The following CNTN3 variants were observed in gnomAD, a reference collection of about 807,000 sequenced individuals.
The protein encoded by CNTN3 is contactin 3.
CNTN3 carries 60 observed loss-of-function variants against 119.1 expected under a neutral mutation model. The ratio of observed to expected loss-of-function variants is 0.50; its 90% confidence interval spans 0.41 to 0.62. The LOEUF is 0.62. Ranked by LOEUF, CNTN3 falls within the 20% of genes least tolerant of loss-of-function variation. The probability of loss-of-function intolerance (pLI) is 0.00; values close to 1 mark genes in which losing one functional copy is unlikely to be tolerated. For synonymous variants in CNTN3, 450 were observed against 438.7 expected, an observed-to-expected ratio of 1.03 and a Z score of -0.32; for missense variants, 1,101 against 1,242.4, an observed-to-expected ratio of 0.89 and a Z score of 1.71.
rs534772950 is a variant in CNTN3, at chr3:74,437,102, C to T, written c.359-12162G>A. ...ACTATATCAAATAAGAAAACCCCTTCTGTACTTAGCAAAAAGTAAAAAACA... is the reference window on the plus strand; with the variant it reads ...ACTATATCAAATAAGAAAACCCCTTTTGTACTTAGCAAAAAGTAAAAAACA... On this transcript the variant is annotated intron_variant, in intron 4 of 22. Transcript: ENST00000263665. Among the ~76,000 whole-genome samples, 285 of 152,252 alleles carry T rather than the reference C, an allele frequency of 1.9e-3. 1 individual carries two copies. Among genetic ancestry groups the T allele is most frequent in the Non-Finnish European group, 3.1e-3 (213 of 68,016 alleles).
intron 3 of CNTN3, among the ~76,000 whole-genome samples, chr3:74,488,820 A>C (rs1702908157): frequency 6.6e-6 from 1 of 152,222 alleles, no homozygotes; most frequent in African/African-American, 2.4e-5. Flanking sequence ...GAACAAAATT[A>C]GAAAGAAAAA....
intron 1 of CNTN3, among the ~76,000 whole-genome samples, chr3:74,554,986 G>A (rs553515624): frequency 9.2e-5 from 14 of 152,154 alleles, no homozygotes; most frequent in African/African-American, 3.4e-4. Context: ...TCCTTGTCTT[G>A]TGCCGGTTTT....
At chr3:74,276,520 C>A (rs946384214) in intron 20 of CNTN3, among the ~76,000 whole-genome samples, 1 of 151,942 alleles carries the variant, frequency 6.6e-6, no homozygotes, top group African/African-American at 2.4e-5. Flanking sequence ...GAAAAGTAAC[C>A]TGCTCCTGAG....
chr3:74,492,536 A>G (rs1390140482), intron 3 of CNTN3, among the ~76,000 whole-genome samples: 1 of 152,242 alleles, frequency 6.6e-6, no homozygotes, highest in Non-Finnish European at 1.5e-5. Context: ...AATTTCCTTA[A>G]AACAGCTGCA....
intron 5 of CNTN3, among the ~76,000 whole-genome samples, chr3:74,416,032 T>A (rs931665387): frequency 2.0e-5 from 3 of 152,146 alleles, no homozygotes; most frequent in African/African-American, 7.2e-5. Flanking sequence ...CAAAGCCATC[T>A]CCATTCCTTT....
intron 13 of CNTN3, among the ~76,000 whole-genome samples, chr3:74,331,511 A>G (rs1703264890): frequency 6.6e-6 from 1 of 152,184 alleles, no homozygotes; most frequent in South Asian, 2.1e-4. Context: ...ACTGATGTGA[A>G]AAGAGATCCG....
At chr3:74,284,471 C>T (rs1367272182) in intron 20 of CNTN3, among the ~76,000 whole-genome samples, 1 of 152,116 alleles carries the variant, frequency 6.6e-6, no homozygotes, top group Non-Finnish European at 1.5e-5. Context: ...ATAATGGCAC[C>T]TACCTCTTGG....
chr3:74,505,344 G>A (rs1383749176), intron 2 of CNTN3, among the ~76,000 whole-genome samples: 2 of 152,016 alleles, frequency 1.3e-5, no homozygotes, highest in Non-Finnish European at 2.9e-5. Flanking sequence ...TAAATAAAAT[G>A]CTGACCTTGC....
chr3:74,557,401 C>A (rs547838164), intron 1 of CNTN3, among the ~76,000 whole-genome samples: 1 of 152,186 alleles, frequency 6.6e-6, no homozygotes, highest in Non-Finnish European at 1.5e-5. Flanking sequence ...ATGATTGAAA[C>A]ATCCACTTGT....
chr3:74,431,423 C>T (rs182554628), intron 4 of CNTN3, among the ~76,000 whole-genome samples: 6 of 152,168 alleles, frequency 3.9e-5, no homozygotes, highest in East Asian at 3.9e-4. Flanking sequence ...TGTCTCTGTA[C>T]GACTTAAAAT....
At chr3:74,386,785 T>C (rs1704755059) in intron 5 of CNTN3, among the ~76,000 whole-genome samples, 1 of 152,226 alleles carries the variant, frequency 6.6e-6, no homozygotes, top group African/African-American at 2.4e-5. Context: ...CAGGAATGCA[T>C]AACAAATGAT....
chr3:74,474,341 C>A (rs193166221), intron 4 of CNTN3, among the ~76,000 whole-genome samples: 284 of 152,122 alleles, frequency 1.9e-3, no homozygotes, highest in African/African-American at 6.6e-3. Flanking sequence ...AGTTTATGGG[C>A]AAAATCAAAA....
At chr3:74,516,314 CACT>C (rs1479448835) in intron 2 of CNTN3, among the ~76,000 whole-genome samples, 3 of 147,238 alleles carry the variant, frequency 2.0e-5, no homozygotes, top group Admixed American at 6.7e-5. Flanking sequence ...CCTCTGCCAC[CACT>C]GAGACAGCAA....
chr3:74,336,564 T>C lies in CNTN3; in HGVS notation c.1459A>G (p.Lys487Glu). ...YTCMAENQFGKANGTTHLVVT... is the reference protein window; with the variant it reads ...YTCMAENQFGEANGTTHLVVT... ...ACCAAATGTGTTGTGCCATTTGCTT[T>C]CCCAAACTGGTTTTCTGCCATGCAG... Residue 487 changes from lysine (K) to glutamate (E), a missense_variant, in exon 12 of 23, where the codon AAA becomes GAA. Coordinates refer to ENST00000263665, the MANE Select transcript of CNTN3 (RefSeq NM_020872.3). The C allele has an allele frequency of 6.2e-7, 1 of 1,613,020 alleles. No individual in the cohort carries two copies. The highest frequency in any genetic ancestry group is 8.5e-7 in the Non-Finnish European group (1 of 1,179,182).
At chr3:74,377,384 C>T (rs183670284) in intron 5 of CNTN3, among the ~76,000 whole-genome samples, 296 of 152,114 alleles carry the variant, frequency 1.9e-3, no homozygotes, top group Admixed American at 3.5e-3. Context: ...AAAAAGTCTA[C>T]GGTAATACTA....
intron 1 of CNTN3, among the ~76,000 whole-genome samples, chr3:74,582,073 C>A (rs576337040): frequency 6.6e-6 from 1 of 152,120 alleles, no homozygotes; most frequent in South Asian, 2.1e-4. Flanking sequence ...TAAAAAAGGA[C>A]AAACTAGATT....
intron 1 of CNTN3, among the ~76,000 whole-genome samples, chr3:74,524,369 G>A (rs1016687200): frequency 6.6e-5 from 10 of 151,916 alleles, no homozygotes; most frequent in Admixed American, 4.6e-4. Context: ...CAACTATTGC[G>A]AGTGACACCT....
intron 1 of CNTN3, among the ~76,000 whole-genome samples, chr3:74,581,849 G>A (rs926431068): frequency 2.0e-5 from 3 of 152,184 alleles, no homozygotes; most frequent in Non-Finnish European, 2.9e-5. Context: ...GGCAGTGCAC[G>A]GGGGAAGTCT....
chr3:74,560,320 T>A (rs1267584423), intron 1 of CNTN3, among the ~76,000 whole-genome samples: 1 of 152,204 alleles, frequency 6.6e-6, no homozygotes, highest in Non-Finnish European at 1.5e-5. Context: ...TCACTTATTA[T>A]GGATGTTGTT....
Sources: allele counts gnomAD v4.1 joint callset (sites outside exome capture counted in the v4.1 genomes callset), GRCh38; gene constraint gnomAD v4.1.1; transcripts MANE v1.5; gene names NCBI Gene and HGNC (gene_info 2026-07-23, HGNC 2026-07-21).